PCDHA4: variants seen among roughly 807,000 people sequenced by gnomAD.
PCDHA4 encodes protocadherin alpha-4.
A neutral mutation model predicts 61.4 loss-of-function variants in PCDHA4; 49 were observed. That is an observed-to-expected ratio of 0.80 (90% CI 0.63 to 1.01). The LOEUF (loss-of-function observed/expected upper bound fraction) is 1.01, where lower values mean the gene tolerates loss of function less well. PCDHA4 is among the 50% of genes least tolerant of loss of function. The pLI, the probability that PCDHA4 is intolerant of heterozygous loss-of-function variation, is 0.00. For missense variants in PCDHA4, 1,254 were observed against 1,235.8 expected (o/e 1.01, Z -0.22); for synonymous variants, 590 against 550.3 (o/e 1.07, Z -1.01).
At position 140,941,246 on chromosome 5, in the gene PCDHA4, T is replaced by TCCTTC. The variant is rs1465255424; in HGVS notation, c.2386-37702_2386-37701insCTTCC. Among the ~76,000 whole-genome samples, 4 of 141,078 alleles carry TCCTTC rather than the reference T, an allele frequency of 2.8e-5. No individual in the cohort carries two copies. In the East Asian group the frequency reaches 8.2e-4, roughly 29 times the overall value. 92.6% of individuals were successfully genotyped at this position (141,078 alleles called of 152,430 possible). On this transcript the variant is annotated intron_variant, in intron 1 of 3. Coordinates refer to ENST00000530339, the MANE Select transcript of PCDHA4 (RefSeq NM_018907.4). Reference sequence around the variant, plus strand: ...TTCTTTCTTTCTTTCTTTCTTTCTTTCTTTCTTTCTCTTTCTTTCTTTCTT... The same window carrying TCCTTC: ...TTCTTTCTTTCTTTCTTTCTTTCTTTCCTTCCTTTCTTTCTCTTTCTTTCTTTCTT...
At chr5:140,903,061 C>T (rs2069972197) in intron 1 of PCDHA4, among the ~76,000 whole-genome samples, 1 of 152,052 alleles carries the variant, frequency 6.6e-6, no homozygotes, top group African/African-American at 2.4e-5. Context: ...GACTTCTTTT[C>T]CTTTGGGTAG....
Position 141,009,697 on chromosome 5 carries a change from C to T in PCDHA4, c.2604C>T (p.Tyr868=), listed in dbSNP as rs1554262284. ...ACAGCAACAGCTGGACCTTTAAATA[C>T]GGACCAGGCAACCCCAAACAATCCG... ...GVNSNSWTFK[Y]GPGNPKQSGP... The change falls in exon 4 of 4, where the codon TAC becomes TAT. Residue 868 remains tyrosine (Y), a synonymous_variant. Coordinates refer to ENST00000530339, the MANE Select transcript of PCDHA4 (RefSeq NM_018907.4). 1.1e-5 allele frequency: 17 copies of T among 1,613,952 alleles called. No individual in the cohort carries two copies. The highest frequency in any genetic ancestry group is 1.1e-5 in the South Asian group (1 of 91,066).
chr5:140,909,437 C>T (rs2074495257), intron 1 of PCDHA4, among the ~76,000 whole-genome samples: 1 of 152,198 alleles, frequency 6.6e-6, no homozygotes, highest in African/African-American at 2.4e-5. Flanking sequence ...TGATAATCCA[C>T]TGTCATTCTC....
At chr5:140,836,236 C>T (rs2150256110) in intron 1 of PCDHA4, 1 of 1,613,794 alleles carries the variant, frequency 6.2e-7, no homozygotes, top group East Asian at 2.2e-5. Flanking sequence ...GCGGCCGGTG[C>T]GAGCATCCCG....
chr5:140,873,656 A>G (rs1364222797), intron 1 of PCDHA4, among the ~76,000 whole-genome samples: 2 of 152,120 alleles, frequency 1.3e-5, no homozygotes, highest in Non-Finnish European at 2.9e-5. Flanking sequence ...TACATAACAC[A>G]CTATTATTAT....
At chr5:140,830,856 TG>T (rs1370462098) in intron 1 of PCDHA4, 4 of 153,858 alleles carry the variant, frequency 2.6e-5, no homozygotes, top group African/African-American at 9.6e-5. Flanking sequence ...TACTCTTTTT[TG>T]ATCATATATT....
intron 1 of PCDHA4, among the ~76,000 whole-genome samples, chr5:140,903,809 G>A (rs1004701576): frequency 2.0e-5 from 3 of 152,080 alleles, no homozygotes; most frequent in African/African-American, 7.2e-5. Flanking sequence ...GACAAGTATA[G>A]TTCTCACATG....
In PCDHA4 at chr5:140,852,660, A is replaced by G. The variant is rs2150521293; in HGVS notation, c.2385+43088A>G. The G allele has an allele frequency of 3.6e-4, 348 of 965,166 alleles. 29 individuals carry two copies. The highest frequency in any genetic ancestry group is 4.1e-4 in the Non-Finnish European group (328 of 799,632). 59.8% of individuals were successfully genotyped at this position (965,166 alleles called of 1,614,324 possible). A position where few individuals can be genotyped will look rare whatever the true frequency, so the allele number is the denominator to read the frequency against. On this transcript the variant is annotated intron_variant, in intron 1 of 3. Coordinates refer to ENST00000530339, the MANE Select transcript of PCDHA4 (RefSeq NM_018907.4). Reference sequence around the variant, plus strand: ...TCATTAAACCTATCTATATCTGTCTATCAGCACAACTCACCTTGAATATAG... The same window carrying G: ...TCATTAAACCTATCTATATCTGTCTGTCAGCACAACTCACCTTGAATATAG...
intron 1 of PCDHA4, chr5:140,843,625 C>T: frequency 6.3e-7 from 1 of 1,596,072 alleles, no homozygotes; most frequent in Non-Finnish European, 8.6e-7. Flanking sequence ...CGAAGACGGA[C>T]CTCATGGCCT....
chr5:140,838,002 T>A (rs183534156), intron 1 of PCDHA4, among the ~76,000 whole-genome samples: 97 of 151,706 alleles, frequency 6.4e-4, no homozygotes, highest in South Asian at 2.7e-3. Context: ...TCCTTTTTTT[T>A]AAAAAAAGAA....
At chr5:140,906,403 T>A (rs1583592944) in intron 1 of PCDHA4, among the ~76,000 whole-genome samples, 1 of 152,220 alleles carries the variant, frequency 6.6e-6, no homozygotes, top group East Asian at 1.9e-4. Context: ...AATTTTCATA[T>A]GAAGTCAATA....
At chr5:140,834,097 A>C (rs905857703) in intron 1 of PCDHA4, among the ~76,000 whole-genome samples, 1 of 152,208 alleles carries the variant, frequency 6.6e-6, no homozygotes, top group Non-Finnish European at 1.5e-5. Flanking sequence ...AACAATGAAG[A>C]AAAAAATTCA....
chr5:140,829,373 C>T (rs1202815393), intron 1 of PCDHA4: 3 of 1,614,082 alleles, frequency 1.9e-6, no homozygotes, highest in South Asian at 1.1e-5. Context: ...GGTAACCGCG[C>T]GGGACGGGGG....
chr5:140,915,630 C>G (rs2077218866), intron 1 of PCDHA4, among the ~76,000 whole-genome samples: 1 of 142,802 alleles, frequency 7.0e-6, no homozygotes, highest in South Asian at 2.1e-4. Flanking sequence ...CTTTCTGTCT[C>G]TCTCTCTCTC....
intron 1 of PCDHA4, among the ~76,000 whole-genome samples, chr5:140,950,176 T>G (rs1221821328): frequency 6.6e-6 from 1 of 151,976 alleles, no homozygotes; most frequent in Non-Finnish European, 1.5e-5. Flanking sequence ...TTTAGAGAAT[T>G]AAGAAGGAAA....
intron 3 of PCDHA4, among the ~76,000 whole-genome samples, chr5:141,005,701 CAAAAAAAAAAAAAAAAAA>C (rs59860837): frequency 2.6e-4 from 2 of 7,786 alleles, no homozygotes; most frequent in Non-Finnish European, 5.4e-4. Flanking sequence ...AACTCCGTCT[CAAAAAAAAAAAAAAAAAA>C]AAAAAAAAAA....
intron 1 of PCDHA4, among the ~76,000 whole-genome samples, chr5:140,886,245 A>G (rs1241977297): frequency 6.6e-6 from 1 of 152,046 alleles, no homozygotes; most frequent in Non-Finnish European, 1.5e-5. Context: ...GAAATAAATA[A>G]AAGTATCTCT....
chr5:141,010,432 CAA>C lies in PCDHA4; in HGVS notation c.*497_*498del. The C allele has an allele frequency of 8.5e-6, 9 of 1,056,970 alleles. No individual in the cohort carries two copies. The highest frequency in any genetic ancestry group is 1.2e-5 in the Non-Finnish European group (9 of 756,282). 65.5% of individuals were successfully genotyped at this position (1,056,970 alleles called of 1,614,324 possible). A position where few individuals can be genotyped will look rare whatever the true frequency, so the allele number is the denominator to read the frequency against. On this transcript the variant is annotated 3_prime_UTR_variant, in exon 4 of 4. Coordinates refer to ENST00000530339, the MANE Select transcript of PCDHA4 (RefSeq NM_018907.4). Reference sequence around the variant, plus strand: ...AATTGGTACAAGGAAGGCAAGAAAACAAAGACAAATAAACAGCGGAAGTTATC... The same window carrying C: ...AATTGGTACAAGGAAGGCAAGAAAACAGACAAATAAACAGCGGAAGTTATC...
chr5:140,966,974 C>A, intron 1 of PCDHA4: 1 of 1,602,874 alleles, frequency 6.2e-7, no homozygotes, highest in Non-Finnish European at 8.5e-7. Context: ...GCTTGAGCTG[C>A]GGCGCTTGGG....
Sources: gnomAD v4.1 joint callset for allele counts (sites outside exome capture counted in the v4.1 genomes callset) on GRCh38, gnomAD v4.1.1 for gene constraint, MANE v1.5 for transcripts, NCBI Gene and HGNC (gene_info 2026-07-23, HGNC 2026-07-21) for gene names.